The following MARK4 variants were observed in gnomAD, a reference collection of about 807,000 sequenced individuals.
The protein encoded by MARK4 is MAP/microtubule affinity-regulating kinase 4.
In MARK4, 19 loss-of-function variants were observed where a neutral mutation model predicts 81.5. That is an observed-to-expected ratio of 0.23 (90% CI 0.16 to 0.34). The LOEUF is 0.34. Ranked by LOEUF, MARK4 falls within the 10% of genes least tolerant of loss-of-function variation. The pLI, the probability that MARK4 is intolerant of heterozygous loss-of-function variation, is 1.00. For missense variants in MARK4, 772 were observed against 1,058.8 expected (o/e 0.73, Z 3.76); for synonymous variants, 436 against 439.0 (o/e 0.99, Z 0.08).
chr19:45,295,418 G>A (rs2123105730), intron 14 of MARK4, among the ~76,000 whole-genome samples: 1 of 151,988 alleles, frequency 6.6e-6, no homozygotes, highest in African/African-American at 2.4e-5. Flanking sequence ...TTACCTCTGT[G>A]CTCACACTGC....
intron 7 of MARK4, 117 bp downstream of exon 7, chr19:45,266,398 C>T (rs1568492771): frequency 6.3e-6 from 6 of 951,332 alleles, no homozygotes; most frequent in Non-Finnish European, 1.0e-5. Flanking sequence ...CCCTTTTCTC[C>T]TCCTGCTCTT....
At chr19:45,257,316 A>G (rs941952932) in intron 1 of MARK4, among the ~76,000 whole-genome samples, 4 of 151,706 alleles carry the variant, frequency 2.6e-5, no homozygotes, top group African/African-American at 9.7e-5. Context: ...CATTGTTTTT[A>G]TAGCTGTAAT....
At position 45,271,568 on chromosome 19, in the gene MARK4, T is replaced by C; in HGVS notation, c.646T>C (p.Cys216Arg). 1 of 1,614,262 alleles carries C rather than the reference T, an allele frequency of 6.2e-7. No homozygotes were observed. Among genetic ancestry groups the C allele is most frequent in the Non-Finnish European group, 8.5e-7 (1 of 1,180,054 alleles). ...FTLGSKLDTF[C>R]GSPPYAAPEL... ...GCTGGGATCGAAGCTGGACACGTTC[T>C]GCGGGAGCCCCCCATATGCCGCCCC... The change falls in exon 8 of 17, where the codon TGC becomes CGC. Residue 216 changes from cysteine to arginine, a missense_variant. Cys to Arg is a radical substitution (Grantham distance 180). This residue lies in a region of MARK4 where 109 missense variants were observed against 294.7 expected (regional missense o/e 0.37). Coordinates refer to ENST00000262891, the MANE Select transcript of MARK4 (RefSeq NM_001199867.2). The surrounding 1 kb of genome is among the most constrained non-coding windows in gnomAD (Gnocchi z 4.1).
chr19:45,279,962 G>C (rs1970650153), intron 10 of MARK4, among the ~76,000 whole-genome samples: 2 of 152,218 alleles, frequency 1.3e-5, no homozygotes, highest in Non-Finnish European at 1.5e-5. Context: ...TGAGCGGAAA[G>C]AATGTTCTTT....
At chr19:45,296,927 A>G (rs984955319) in intron 14 of MARK4, among the ~76,000 whole-genome samples, 2 of 152,036 alleles carry the variant, frequency 1.3e-5, no homozygotes, top group South Asian at 2.1e-4. Flanking sequence ...CTGCATGCCT[A>G]TAGTCCCAGC....
chr19:45,280,419 C>G lies in MARK4; in HGVS notation c.1052C>G (p.Ser351Cys). Residue 351 changes from serine (S) to cysteine (C), a missense_variant, in exon 11 of 17, where the codon TCC becomes TGC. By Grantham distance (112) the Ser-to-Cys change is moderately radical (BLOSUM62 -1). Around this residue, in one of 3 missense-constraint regions of MARK4, gnomAD observed 548 missense variants for 624.3 expected, o/e 0.88. Coordinates refer to ENST00000262891, the MANE Select transcript of MARK4 (RefSeq NM_001199867.2). Reference sequence around the variant, plus strand: ...TACACACGGGAAGAAATCAAAGAGTCCTTGACCAGCCAGAAGTACAACGAA... The same window carrying G: ...TACACACGGGAAGAAATCAAAGAGTGCTTGACCAGCCAGAAGTACAACGAA... ...MGYTREEIKE[S>C]LTSQKYNEVT... 6.2e-7 allele frequency: 1 copy of G among 1,614,178 alleles called. No individual in the cohort carries two copies. Among genetic ancestry groups the G allele is most frequent in the Non-Finnish European group, 8.5e-7 (1 of 1,180,022 alleles).
chr19:45,298,064 C>A, intron 15 of MARK4, 110 bp downstream of exon 15: 1 of 1,540,464 alleles, frequency 6.5e-7, no homozygotes, highest in Non-Finnish European at 8.8e-7. Context: ...TCTTCCTCCT[C>A]CTCCTCCTCC....
At position 45,297,887 on chromosome 19, in the gene MARK4, C is replaced by T. The variant is rs12972283; in HGVS notation, c.1810C>T (p.Leu604=). ...CACACTGGCCCATGAGGCTGCACCC[C>T]TGCCCGCCGGGCGGCCCCGCCCCAC... ...SPTLAHEAAP[L]PAGRPRPTTN... is the part of the protein sequence containing the mutation. The change falls in exon 15 of 17, where the codon CTG becomes TTG. Residue 604 remains leucine (L), a synonymous_variant. Coordinates refer to ENST00000262891, the MANE Select transcript of MARK4 (RefSeq NM_001199867.2). 4 of 1,544,626 alleles carry T rather than the reference C, an allele frequency of 2.6e-6. No individual in the cohort carries two copies. The Admixed American group carries it at 5.9e-5, about 23-fold the overall frequency.
intron 13 of MARK4, among the ~76,000 whole-genome samples, chr19:45,291,435 C>T (rs1184095175): frequency 6.6e-6 from 1 of 152,158 alleles, no homozygotes. Context: ...CACTTGAGGT[C>T]AGGAGTTCAA....
intron 9 of MARK4, 128 bp from the exon 10 acceptor site, chr19:45,278,388 C>A: frequency 1.2e-6 from 1 of 811,012 alleles, no homozygotes. Context: ...GCCCAGGAGG[C>A]GCTATCTCTT....
rs564058805 is a variant in MARK4, at chr19:45,272,321, G to T, written c.786+613G>T. Among the ~76,000 whole-genome samples, 26 of 152,262 alleles carry T rather than the reference G, an allele frequency of 1.7e-4. 1 individual carries two copies. The highest frequency in any genetic ancestry group is 2.9e-5 in the Non-Finnish European group (2 of 68,024). ...CACTCCAACCTGGGTGACAGAGGGA[G>T]ACCCTGTCTCCAAAAAGAAATTAAA... On this transcript the variant is annotated intron_variant, in intron 8 of 16. Transcript: ENST00000262891.
At chr19:45,266,962 G>C (rs1970462853) in intron 7 of MARK4, among the ~76,000 whole-genome samples, 1 of 151,968 alleles carries the variant, frequency 6.6e-6, no homozygotes, top group Non-Finnish European at 1.5e-5. Flanking sequence ...TCGATCTCCT[G>C]ACCTTGTGAT....
chr19:45,276,004 T>A (rs184025360), intron 8 of MARK4, among the ~76,000 whole-genome samples: 92 of 152,182 alleles, frequency 6.0e-4, no homozygotes, highest in African/African-American at 2.1e-3. Flanking sequence ...CATTCCTACC[T>A]GTTTTCTGCC....
intron 8 of MARK4, among the ~76,000 whole-genome samples, chr19:45,277,295 C>G (rs1205819779): frequency 6.7e-6 from 1 of 149,654 alleles, no homozygotes; most frequent in African/African-American, 2.5e-5. Context: ...CCAGGCTGGT[C>G]TCGAACTCCT....
At chr19:45,269,675 C>T (rs138621854) in intron 7 of MARK4, among the ~76,000 whole-genome samples, 5 of 152,196 alleles carry the variant, frequency 3.3e-5, no homozygotes, top group Non-Finnish European at 5.9e-5. Flanking sequence ...CTTCTTCCTC[C>T]GCGCACTGTG....
At chr19:45,294,565 G>GT in intron 14 of MARK4, 113 bp downstream of exon 14, 1 of 904,386 alleles carries the variant, frequency 1.1e-6, no homozygotes, top group Non-Finnish European at 1.7e-6. Context: ...GGACCAGAGA[G>GT]TGAGTGTATC....
intron 16 of MARK4, among the ~76,000 whole-genome samples, chr19:45,300,355 A>AAAAAAAAAAAAAAAAAAAAAAAAAAAC (rs1970952484): frequency 7.0e-6 from 1 of 143,492 alleles, no homozygotes; most frequent in Non-Finnish European, 1.5e-5. Context: ...AAAAAAAAAA[A>AAAAAAAAAAAAAAAAAAAAAAAAAAAC]AAAAAAAAAA....
intron 14 of MARK4, among the ~76,000 whole-genome samples, chr19:45,296,877 C>G (rs984329735): frequency 2.0e-5 from 3 of 152,100 alleles, no homozygotes; most frequent in African/African-American, 7.2e-5. Context: ...TGGTGAAACC[C>G]CATCTCTCCT....
intron 12 of MARK4, among the ~76,000 whole-genome samples, chr19:45,286,835 A>G (rs1339917706): frequency 6.6e-6 from 1 of 152,174 alleles, no homozygotes; most frequent in Non-Finnish European, 1.5e-5. Flanking sequence ...ATAGATACAC[A>G]CTTTTTTGCT....
Sources: allele counts gnomAD v4.1 joint callset (sites outside exome capture counted in the v4.1 genomes callset), GRCh38; gene constraint gnomAD v4.1.1; regional missense constraint gnomAD v4.1.1; non-coding constraint Gnocchi (gnomAD v3.1); transcripts MANE v1.5; gene names NCBI Gene and HGNC (gene_info 2026-07-23, HGNC 2026-07-21).